The following RORA variants were observed in gnomAD, a reference collection of about 807,000 sequenced individuals.
RORA encodes the protein RAR related orphan receptor A, also known as nuclear receptor ROR-alpha.
RORA carries 7 observed loss-of-function variants against 69.5 expected under a neutral mutation model. The observed-to-expected ratio is 0.10, with a 90% CI of 0.06 to 0.19. The LOEUF (loss-of-function observed/expected upper bound fraction) is 0.19, where lower values mean the gene tolerates loss of function less well. Among genes scored for constraint, RORA ranks in the 10% least tolerant of loss-of-function variants. The pLI is 1.00. For missense variants in RORA, 457 were observed against 663.0 expected, an observed-to-expected ratio of 0.69 and a Z score of 3.41; for synonymous variants, 261 against 240.8, an observed-to-expected ratio of 1.08 and a Z score of -0.78.
Position 61,192,948 on chromosome 15 carries a change from GT to G in RORA, c.166+36104del, listed in dbSNP as rs371894612. The stretch of plus-strand genomic sequence containing the variant: ...AACAGAACAGTGTTTGCACATACTA[GT>G]TGTTGCTATTCCTATTATCTTATAA... On this transcript the variant is annotated intron_variant, in intron 1 of 10. Coordinates refer to ENST00000335670, the MANE Select transcript of RORA (RefSeq NM_134261.3). 3.8e-3 allele frequency among the ~76,000 whole-genome samples: 578 copies of G among 152,190 alleles called. 9 individuals are homozygous for G. The highest frequency in any genetic ancestry group is 0.013 in the African/African-American group (552 of 41,530).
chr15:60,864,384 T>C (rs1033694614), intron 1 of RORA, among the ~76,000 whole-genome samples: 1 of 152,230 alleles, frequency 6.6e-6, no homozygotes, highest in Admixed American at 6.5e-5. Context: ...TAGTGTCACA[T>C]TTTGAAAAAT....
rs182450620 is a variant in RORA, at chr15:60,799,527, T to C, written c.167-120841A>G. On this transcript the variant is annotated intron_variant, in intron 1 of 10. Transcript: ENST00000335670. ...TCCACTCAAAACACAATAGCTCCTC[T>C]TCTGATCGATTCATATTTATTTATT... Among the ~76,000 whole-genome samples the C allele has an allele frequency of 3.7e-3, 557 of 152,284 alleles. 7 individuals are homozygous for C. The highest frequency in any genetic ancestry group is 0.012 in the African/African-American group (487 of 41,552).
At chr15:61,083,397 G>C (rs1031490014) in intron 1 of RORA, among the ~76,000 whole-genome samples, 1 of 152,162 alleles carries the variant, frequency 6.6e-6, no homozygotes, top group South Asian at 2.1e-4. Flanking sequence ...TGGGCCAAGA[G>C]GTAGCAGTTC....
At position 61,055,720 on chromosome 15, in the gene RORA, A is replaced by G. The variant is rs2078086861; in HGVS notation, c.166+173333T>C. 2.6e-5 allele frequency among the ~76,000 whole-genome samples: 4 copies of G among 152,352 alleles called. No individual in the cohort carries two copies. In the South Asian group the frequency reaches 6.2e-4, roughly 24 times the overall value. On this transcript the variant is annotated intron_variant, in intron 1 of 10. Transcript: ENST00000335670. ...TATCACACATCAAAATTTCCCTCCT[A>G]TATTTTTAGAACCATTTCAGTGAAA...
rs374990061 is a variant in RORA, at chr15:60,890,879, G to T, written c.167-212193C>A. On this transcript the variant is annotated intron_variant, in intron 1 of 10. Coordinates refer to ENST00000335670, the MANE Select transcript of RORA (RefSeq NM_134261.3). ...ATACCAAGTTGAAACCAGAGCAGAA[G>T]ATATTAATGCAGTGCTCTCTCTGAA... 1.6e-4 allele frequency among the ~76,000 whole-genome samples: 24 copies of T among 152,320 alleles called. No homozygotes were observed. The East Asian group carries it at 4.2e-3, about 27-fold the overall frequency.
chr15:61,117,433 T>C (rs553744910), intron 1 of RORA, among the ~76,000 whole-genome samples: 61 of 152,336 alleles, frequency 4.0e-4, no homozygotes, highest in African/African-American at 4.8e-4. Context: ...CTCCTACAAA[T>C]TGCTGAACTT....
At chr15:60,856,988 C>T (rs1023864679) in intron 1 of RORA, among the ~76,000 whole-genome samples, 12 of 152,178 alleles carry the variant, frequency 7.9e-5, no homozygotes, top group Admixed American at 7.2e-4. Context: ...CTAATCTGTG[C>T]GTAGAACACT....
chr15:60,617,731 T>C (rs2140610429), intron 2 of RORA, among the ~76,000 whole-genome samples: 2 of 151,222 alleles, frequency 1.3e-5, no homozygotes, highest in South Asian at 4.2e-4. Flanking sequence ...TGTGAGCTTC[T>C]TCTCAGCCTG....
chr15:60,999,892 T>G (rs1417875833), intron 1 of RORA, among the ~76,000 whole-genome samples: 2 of 152,146 alleles, frequency 1.3e-5, no homozygotes, highest in African/African-American at 4.8e-5. Context: ...CTAAACAGAC[T>G]TTGCATGTGA....
intron 2 of RORA, chr15:60,592,341 C>A: frequency 3.0e-6 from 4 of 1,350,826 alleles, no homozygotes; most frequent in Non-Finnish European, 3.9e-6. Context: ...TCCCCGCCCC[C>A]CGGAGCCGCC....
chr15:60,684,799 C>T (rs1371981241), intron 1 of RORA, among the ~76,000 whole-genome samples: 1 of 152,150 alleles, frequency 6.6e-6, no homozygotes, highest in African/African-American at 2.4e-5. Flanking sequence ...ATTGACTCCT[C>T]CTTTAATTCC....
chr15:61,008,818 G>A (rs969979303), intron 1 of RORA, among the ~76,000 whole-genome samples: 3 of 152,084 alleles, frequency 2.0e-5, no homozygotes, highest in Admixed American at 6.5e-5. Flanking sequence ...GGAAATTAAT[G>A]ATGTTGATGT....
chr15:61,142,483 C>T (rs1401120746), intron 1 of RORA, among the ~76,000 whole-genome samples: 2 of 152,116 alleles, frequency 1.3e-5, no homozygotes, highest in African/African-American at 2.4e-5. Context: ...AATATGTTTT[C>T]AGGAAAGAAA....
At chr15:60,543,505 G>T (rs1423801673) in intron 2 of RORA, among the ~76,000 whole-genome samples, 1 of 151,782 alleles carries the variant, frequency 6.6e-6, no homozygotes, top group Non-Finnish European at 1.5e-5. Flanking sequence ...TTTAGACAGG[G>T]TCTCACTCTG....
At chr15:61,123,814 T>C (rs2079122095) in intron 1 of RORA, among the ~76,000 whole-genome samples, 1 of 152,152 alleles carries the variant, frequency 6.6e-6, no homozygotes, top group East Asian at 1.9e-4. Context: ...AACCTCCATG[T>C]CCATACCTGG....
intron 1 of RORA, among the ~76,000 whole-genome samples, chr15:60,909,603 C>A (rs1266876739): frequency 6.6e-6 from 1 of 152,102 alleles, no homozygotes; most frequent in Non-Finnish European, 1.5e-5. Flanking sequence ...TTAAAGTAGC[C>A]AATCTACTTC....
intron 1 of RORA, among the ~76,000 whole-genome samples, chr15:60,814,936 C>A (rs1025558702): frequency 6.6e-6 from 1 of 152,156 alleles, no homozygotes; most frequent in Non-Finnish European, 1.5e-5. Flanking sequence ...GGTTTCTCAA[C>A]CCTGTAGGTT....
At chr15:61,033,945 G>A (rs1896319237) in intron 1 of RORA, among the ~76,000 whole-genome samples, 2 of 152,190 alleles carry the variant, frequency 1.3e-5, no homozygotes, top group African/African-American at 2.4e-5. Context: ...TTGGTTACAT[G>A]TTGAAACCAA....
intron 1 of RORA, among the ~76,000 whole-genome samples, chr15:60,876,801 A>G (rs1185939200): frequency 1.3e-5 from 2 of 152,212 alleles, no homozygotes; most frequent in African/African-American, 4.8e-5. Context: ...TCTTTCCTCA[A>G]GGATTAGCGA....
Sources: gnomAD v4.1 joint callset for allele counts (sites outside exome capture counted in the v4.1 genomes callset) on GRCh38, gnomAD v4.1.1 for gene constraint, MANE v1.5 for transcripts, NCBI Gene and HGNC (gene_info 2026-07-23, HGNC 2026-07-21) for gene names.